The following TMEM163 variants were observed in gnomAD, a reference collection of about 807,000 sequenced individuals.
TMEM163 encodes transmembrane protein 163.
A neutral mutation model predicts 29.3 loss-of-function variants in TMEM163; 17 were observed. The ratio of observed to expected loss-of-function variants is 0.58; its 90% confidence interval spans 0.40 to 0.87. TMEM163 has a LOEUF of 0.87. Ranked by LOEUF, TMEM163 falls within the 40% of genes least tolerant of loss-of-function variation. The probability of loss-of-function intolerance (pLI) is 0.00; values close to 1 mark genes in which losing one functional copy is unlikely to be tolerated. For synonymous variants in TMEM163, 157 were observed against 160.6 expected (o/e 0.98, Z 0.17); for missense variants, 303 against 381.5 (o/e 0.79, Z 1.71).
intron 2 of TMEM163, among the ~76,000 whole-genome samples, chr2:134,681,212 G>GGTCACCGT (rs1684224509): frequency 6.6e-6 from 1 of 152,032 alleles, no homozygotes; most frequent in African/African-American, 2.4e-5. Context: ...CACTGCAAAG[G>GGTCACCGT]GTCACCGTGG....
intron 2 of TMEM163, among the ~76,000 whole-genome samples, chr2:134,703,966 C>T (rs1044940300): frequency 4.0e-5 from 6 of 151,814 alleles, no homozygotes; most frequent in Non-Finnish European, 7.4e-5. Flanking sequence ...ACTTATTTTA[C>T]GGATTTTGTC....
intron 2 of TMEM163, among the ~76,000 whole-genome samples, chr2:134,570,236 A>C (rs527571955): frequency 6.6e-6 from 1 of 152,320 alleles, no homozygotes; most frequent in Admixed American, 6.5e-5. Flanking sequence ...GTTGTGAAGA[A>C]GGAAAAAAGA....
At chr2:134,702,412 A>G (rs544632613) in intron 2 of TMEM163, among the ~76,000 whole-genome samples, 1 of 152,354 alleles carries the variant, frequency 6.6e-6, no homozygotes, top group South Asian at 2.1e-4. Context: ...TGGGAGGCTA[A>G]GGTGGGAAGA....
chr2:134,664,012 T>G (rs570853297), intron 2 of TMEM163, among the ~76,000 whole-genome samples: 1 of 152,180 alleles, frequency 6.6e-6, no homozygotes, highest in Non-Finnish European at 1.5e-5. Flanking sequence ...AAATGTCACC[T>G]CTCCCATTTT....
At chr2:134,657,527 G>C (rs1683647677) in intron 2 of TMEM163, among the ~76,000 whole-genome samples, 1 of 148,056 alleles carries the variant, frequency 6.8e-6, no homozygotes, top group Non-Finnish European at 1.5e-5. Context: ...AACAGGCTGG[G>C]CATGGTGGCG....
At chr2:134,582,086 C>A (rs528255768) in intron 2 of TMEM163, among the ~76,000 whole-genome samples, 1 of 152,168 alleles carries the variant, frequency 6.6e-6, no homozygotes, top group Non-Finnish European at 1.5e-5. Context: ...TTAAAACTTT[C>A]AGTTTCCTAG....
chr2:134,675,538 T>A (rs758273236), intron 2 of TMEM163, among the ~76,000 whole-genome samples: 2 of 152,178 alleles, frequency 1.3e-5, no homozygotes, highest in East Asian at 3.8e-4. Flanking sequence ...GGGACCGATA[T>A]GCTCAGCTCA....
At chr2:134,578,868 A>G (rs1681622383) in intron 2 of TMEM163, among the ~76,000 whole-genome samples, 1 of 152,160 alleles carries the variant, frequency 6.6e-6, no homozygotes, top group Admixed American at 6.5e-5. Flanking sequence ...GTAAAAAGAG[A>G]CTGCTCTATT....
chr2:134,559,120 C>T (rs994303255), intron 2 of TMEM163, among the ~76,000 whole-genome samples: 14 of 152,162 alleles, frequency 9.2e-5, no homozygotes, highest in African/African-American at 3.4e-4. Context: ...ATCTGCCCAC[C>T]CTTGGCTGTC....
At chr2:134,478,256 C>A (rs1165440423) in intron 5 of TMEM163, among the ~76,000 whole-genome samples, 2 of 152,146 alleles carry the variant, frequency 1.3e-5, no homozygotes, top group African/African-American at 4.8e-5. Context: ...TCAGGTATTT[C>A]TTTTAAGATA....
chr2:134,515,576 G>A (rs969163475), intron 4 of TMEM163, among the ~76,000 whole-genome samples: 2 of 152,152 alleles, frequency 1.3e-5, no homozygotes, highest in African/African-American at 2.4e-5. Context: ...AATGTTCACA[G>A]TAGTGTTATT....
At chr2:134,502,725 C>T (rs1472017299) in intron 5 of TMEM163, among the ~76,000 whole-genome samples, 176 bp downstream of exon 5, 1 of 152,152 alleles carries the variant, frequency 6.6e-6, no homozygotes, top group Non-Finnish European at 1.5e-5. Context: ...CTTCACCTTG[C>T]CCAGTGTTTC....
intron 2 of TMEM163, among the ~76,000 whole-genome samples, chr2:134,678,363 C>T (rs1284291813): frequency 6.6e-6 from 1 of 152,222 alleles, no homozygotes; most frequent in Non-Finnish European, 1.5e-5. Context: ...TTCTCAAGCC[C>T]GTGGAAACAC....
intron 2 of TMEM163, among the ~76,000 whole-genome samples, chr2:134,701,701 G>A (rs955372956): frequency 1.3e-5 from 2 of 151,982 alleles, no homozygotes; most frequent in Non-Finnish European, 2.9e-5. Context: ...CTTGAGGTCA[G>A]GAGTTCAGGA....
chr2:134,465,059 A>C (rs544603890), intron 6 of TMEM163, among the ~76,000 whole-genome samples: 1 of 152,064 alleles, frequency 6.6e-6, no homozygotes, highest in Non-Finnish European at 1.5e-5. Flanking sequence ...TATTTCTTAA[A>C]AAAATAATCT....
At chr2:134,597,090 T>G (rs545399133) in intron 2 of TMEM163, among the ~76,000 whole-genome samples, 2,376 of 152,220 alleles carry the variant, frequency 0.016, 52 homozygotes, top group African/African-American at 0.054. Context: ...CTTTTCCTAA[T>G]TGAATACCCT....
At chr2:134,508,888 C>T (rs920762797) in intron 4 of TMEM163, among the ~76,000 whole-genome samples, 1 of 152,168 alleles carries the variant, frequency 6.6e-6, no homozygotes, top group Non-Finnish European at 1.5e-5. Context: ...CACAACTTTC[C>T]ACACAAGCAT....
At chr2:134,702,712 C>G (rs932389120) in intron 2 of TMEM163, among the ~76,000 whole-genome samples, 1 of 151,606 alleles carries the variant, frequency 6.6e-6, no homozygotes, top group East Asian at 1.9e-4. Context: ...AAAACAAGAG[C>G]TGGAAAATTT....
At chr2:134,574,504 G>A (rs1681502869) in intron 2 of TMEM163, among the ~76,000 whole-genome samples, 1 of 152,080 alleles carries the variant, frequency 6.6e-6, no homozygotes. Context: ...AGGTTGCAGT[G>A]AGCCAAGATC....
Sources: allele counts gnomAD v4.1 joint callset (sites outside exome capture counted in the v4.1 genomes callset), GRCh38; gene constraint gnomAD v4.1.1; transcripts MANE v1.5; gene names NCBI Gene and HGNC (gene_info 2026-07-23, HGNC 2026-07-21).